ATP2B2: variants seen among roughly 807,000 people sequenced by gnomAD.
ATP2B2 encodes the protein plasma membrane calcium-transporting ATPase 2.
ATP2B2 carries 15 observed loss-of-function variants against 120.0 expected under a neutral mutation model. The observed-to-expected ratio is 0.12, with a 90% CI of 0.08 to 0.19. The LOEUF (loss-of-function observed/expected upper bound fraction) is 0.19. ATP2B2 is among the 10% of genes least tolerant of loss of function. The pLI, the probability that ATP2B2 is intolerant of heterozygous loss-of-function variation, is 1.00. For missense variants in ATP2B2, 1,045 were observed against 1,719.8 expected, an observed-to-expected ratio of 0.61 and a Z score of 6.94; for synonymous variants, 694 against 700.3, an observed-to-expected ratio of 0.99 and a Z score of 0.14.
Position 10,371,885 on chromosome 3 carries a change from C to G in ATP2B2, c.1583G>C (p.Ser528Thr), listed in dbSNP as rs769272435. The change falls in exon 12 of 23, where the codon AGC becomes ACC. Residue 528 changes from serine to threonine, a missense_variant. Around this residue, in one of 11 missense-constraint regions of ATP2B2, gnomAD observed 343 missense variants for 536.8 expected, o/e 0.64. Transcript: ENST00000360273. ...CTCCATGGTCTTGGTGTTGATGGAG[C>G]TGGGGTCGGGGATCTCTTTATAGTG... ...DVHYKEIPDP[S>T]SINTKTMELL... The G allele has an allele frequency of 5.6e-6, 9 of 1,613,950 alleles. No homozygotes were observed. In the East Asian group the frequency reaches 2.0e-4, roughly 36 times the overall value.
intron 1 of ATP2B2, among the ~76,000 whole-genome samples, chr3:10,492,803 T>C (rs2065984863): frequency 6.6e-6 from 1 of 152,060 alleles, no homozygotes; most frequent in Non-Finnish European, 1.5e-5. Context: ...GGGTCAAGTG[T>C]GATGGTGAGG....
chr3:10,634,894 T>A (rs553291535), intron 1 of ATP2B2, among the ~76,000 whole-genome samples: 1 of 152,260 alleles, frequency 6.6e-6, no homozygotes, highest in South Asian at 2.1e-4. Flanking sequence ...TCAGAGAACT[T>A]TCTTGAGGGG....
chr3:10,697,153 T>C (rs2071753064), intron 1 of ATP2B2, among the ~76,000 whole-genome samples: 2 of 152,122 alleles, frequency 1.3e-5, no homozygotes, highest in South Asian at 4.1e-4. Context: ...ACCTCTCCCA[T>C]TGTGCTTTTT....
Position 10,400,993 on chromosome 3 carries a change from C to T in ATP2B2, c.741G>A (p.Gln247=), listed in dbSNP as rs1057120833. The T allele has an allele frequency of 1.2e-6, 2 of 1,614,052 alleles. No homozygotes were observed. The highest frequency in any genetic ancestry group is 1.7e-6 in the Non-Finnish European group (2 of 1,180,034). The stretch of plus-strand genomic sequence containing the variant: ...GGTCCTTGTCCACGGACTTGCGCAC[C>T]TGGTCAGACTCTCCAGTTAGGGAGC... ...DESSLTGESD[Q]VRKSVDKDPM... is the part of the protein sequence containing the mutation. The change falls in exon 5 of 23, where the codon CAG becomes CAA. Residue 247 remains glutamine (Q), a synonymous_variant. Transcript: ENST00000360273.
intron 9 of ATP2B2, 70 bp downstream of exon 9, chr3:10,379,173 G>A: frequency 6.5e-7 from 1 of 1,531,670 alleles, no homozygotes; most frequent in African/African-American, 1.4e-5. Context: ...CTCTGTCTCT[G>A]GTGTGACTGT....
At chr3:10,638,498 G>A (rs917129749) in intron 1 of ATP2B2, among the ~76,000 whole-genome samples, 2 of 151,884 alleles carry the variant, frequency 1.3e-5, no homozygotes, top group Non-Finnish European at 2.9e-5. Flanking sequence ...GCTAACAAAG[G>A]AAATAAAATA....
intron 1 of ATP2B2, among the ~76,000 whole-genome samples, chr3:10,687,717 C>T (rs1394562990): frequency 6.6e-6 from 1 of 152,060 alleles, no homozygotes; most frequent in African/African-American, 2.4e-5. Flanking sequence ...AAAAATTAGC[C>T]AGGCGTAGTG....
chr3:10,629,385 A>G (rs2069800322), intron 1 of ATP2B2, among the ~76,000 whole-genome samples: 1 of 152,212 alleles, frequency 6.6e-6, no homozygotes, highest in South Asian at 2.1e-4. Flanking sequence ...CTGGGTAAAT[A>G]CATTTTAAGG....
chr3:10,388,888 T>G (rs1476856415), intron 5 of ATP2B2, among the ~76,000 whole-genome samples: 1 of 152,244 alleles, frequency 6.6e-6, no homozygotes, highest in Non-Finnish European at 1.5e-5. Flanking sequence ...CTAGATCTTG[T>G]TATTCAGTGT....
chr3:10,334,259 A>G (rs1007995342), intron 22 of ATP2B2, among the ~76,000 whole-genome samples: 3 of 152,228 alleles, frequency 2.0e-5, no homozygotes, highest in Admixed American at 1.3e-4. Flanking sequence ...GCCTTCACCC[A>G]GAAGCCAGAC....
chr3:10,641,349 G>T (rs1575585210), intron 1 of ATP2B2, among the ~76,000 whole-genome samples: 1 of 152,290 alleles, frequency 6.6e-6, no homozygotes, highest in East Asian at 1.9e-4. Flanking sequence ...AGAGGGCTGA[G>T]TGGGGACTGC....
intron 3 of ATP2B2, among the ~76,000 whole-genome samples, chr3:10,513,295 AG>A (rs1213828336): frequency 2.6e-5 from 4 of 152,058 alleles, no homozygotes; most frequent in African/African-American, 9.7e-5. Flanking sequence ...TTGCCGACAA[AG>A]GGTGTGGCTT....
intron 2 of ATP2B2, among the ~76,000 whole-genome samples, chr3:10,561,443 G>T (rs1431254720): frequency 6.6e-6 from 1 of 152,210 alleles, no homozygotes; most frequent in Non-Finnish European, 1.5e-5. Context: ...TGGCACAGGG[G>T]AGTGGATCAG....
chr3:10,463,973 T>C (rs2064616085), intron 1 of ATP2B2, among the ~76,000 whole-genome samples: 2 of 152,156 alleles, frequency 1.3e-5, no homozygotes, highest in South Asian at 4.1e-4. Context: ...TCCGCTCTCC[T>C]GGCCCCAGAG....
chr3:10,632,099 G>A (rs892881408), intron 1 of ATP2B2, among the ~76,000 whole-genome samples: 16 of 152,246 alleles, frequency 1.1e-4, no homozygotes, highest in African/African-American at 3.6e-4. Flanking sequence ...GAGCAGTGGG[G>A]CAGGAGCCAT....
intron 3 of ATP2B2, among the ~76,000 whole-genome samples, chr3:10,521,761 T>C (rs941026376): frequency 2.0e-5 from 3 of 152,238 alleles, no homozygotes; most frequent in Admixed American, 1.3e-4. Context: ...GAGGTGGCCA[T>C]GGGCTACATT....
At chr3:10,490,430 G>T in intron 1 of ATP2B2, among the ~76,000 whole-genome samples, 1 of 148,162 alleles carries the variant, frequency 6.7e-6, no homozygotes. Flanking sequence ...CTGAGATGGA[G>T]TCTCTCTCTG....
At position 10,340,123 on chromosome 3, in the gene ATP2B2, G is replaced by A; in HGVS notation, c.3237+119C>T. 4.3e-6 allele frequency: 4 copies of A among 922,154 alleles called. No homozygotes were observed. The South Asian group carries it at 5.5e-5, about 13-fold the overall frequency. The allele number at this position is 922,154 out of a possible 1,614,324, so 57.1% of individuals were successfully genotyped here. On this transcript the variant is annotated intron_variant, in intron 21 of 22. Coordinates refer to ENST00000360273, the MANE Select transcript of ATP2B2 (RefSeq NM_001001331.4). This position sits in a 1 kb window ranked among gnomAD's most constrained non-coding sequence, Gnocchi z 5.0. ...AAACCCCCTTGCTCAGATGTCCAGA[G>A]ATAGGGAGGAGCTTGCCTGGGGTCT...
At position 10,340,218 on chromosome 3, in the gene ATP2B2, T is replaced by A. The variant is rs1185245880; in HGVS notation, c.3237+24A>T. 2 of 1,610,786 alleles carry A rather than the reference T, an allele frequency of 1.2e-6. No homozygotes were observed. Among genetic ancestry groups the A allele is most frequent in the Non-Finnish European group, 1.7e-6 (2 of 1,177,806 alleles). ...CTCCCTTGCCCTGCTAACAGGCACC[T>A]CCTGCGACCTACCAGGAACTTACCT... On this transcript the variant is annotated intron_variant, in intron 21 of 22. Transcript: ENST00000360273. The surrounding 1 kb of genome is among the most constrained non-coding windows in gnomAD (Gnocchi z 5.0).
Sources: allele counts gnomAD v4.1 joint callset (sites outside exome capture counted in the v4.1 genomes callset), GRCh38; gene constraint gnomAD v4.1.1; regional missense constraint gnomAD v4.1.1; non-coding constraint Gnocchi (gnomAD v3.1); transcripts MANE v1.5; gene names NCBI Gene and HGNC (gene_info 2026-07-23, HGNC 2026-07-21).